Variants in GLI2 observed in about 807,000 individuals in gnomAD.
GLI2 encodes GLI family zinc finger 2.
A neutral mutation model predicts 78.9 loss-of-function variants in GLI2; 22 were observed. The ratio of observed to expected loss-of-function variants is 0.28; its 90% CI spans 0.20 to 0.40. The LOEUF is 0.40. Ranked by LOEUF, GLI2 falls within the 10% of genes least tolerant of loss-of-function variation. The pLI is 1.00. For synonymous variants in GLI2, 974 were observed against 963.7 expected (o/e 1.01, Z -0.20); for missense variants, 2,097 against 2,213.2 (o/e 0.95, Z 1.05).
At chr2:120,770,883 C>T (rs1039612828) in intron 1 of GLI2, among the ~76,000 whole-genome samples, 3 of 152,242 alleles carry the variant, frequency 2.0e-5, no homozygotes, top group African/African-American at 7.2e-5. Flanking sequence ...GCCTCCTCTG[C>T]ATGCCCACCA....
chr2:120,962,017 A>T (rs557446323), intron 5 of GLI2, among the ~76,000 whole-genome samples: 1 of 152,206 alleles, frequency 6.6e-6, no homozygotes, highest in African/African-American at 2.4e-5. Flanking sequence ...CTGGGCACAC[A>T]GGCCGTGGGG....
At chr2:120,909,339 G>C (rs1464106605) in intron 2 of GLI2, among the ~76,000 whole-genome samples, 1 of 151,868 alleles carries the variant, frequency 6.6e-6, no homozygotes, top group Admixed American at 6.6e-5. Flanking sequence ...CCCCTCCCCT[G>C]CTGCCCTTCC....
intron 1 of GLI2, among the ~76,000 whole-genome samples, chr2:120,767,897 A>G (rs1425826722): frequency 2.0e-5 from 3 of 152,180 alleles, no homozygotes; most frequent in Admixed American, 2.0e-4. Flanking sequence ...AGATAAATCT[A>G]GGAAGTGCAG....
At chr2:120,803,693 G>A (rs1258708662) in intron 2 of GLI2, among the ~76,000 whole-genome samples, 1 of 152,166 alleles carries the variant, frequency 6.6e-6, no homozygotes, top group African/African-American at 2.4e-5. Flanking sequence ...TCCCCAGCAC[G>A]CTGGAGACCA....
chr2:120,807,299 C>T (rs756339003), intron 2 of GLI2, among the ~76,000 whole-genome samples: 2 of 152,134 alleles, frequency 1.3e-5, no homozygotes, highest in Non-Finnish European at 2.9e-5. Flanking sequence ...ACCCCAGTGT[C>T]CTCATTTTAA....
rs754899023 is a variant in GLI2 at position 120,986,438 on chromosome 2, C to T, written c.2066C>T (p.Thr689Ile). 6 of 1,613,956 alleles carry T rather than the reference C, an allele frequency of 3.7e-6. No individual in the cohort carries two copies. Among genetic ancestry groups the T allele is most frequent in the Non-Finnish European group, 4.2e-6 (5 of 1,180,034 alleles). Residue 689 changes from threonine (T) to isoleucine (I), a missense_variant, in exon 13 of 14, where the codon ACC becomes ATC. Physicochemically the swap from Thr to Ile is moderately conservative, Grantham distance 89. This residue lies in a region of GLI2 where 1,290 missense variants were observed against 1,261.7 expected (regional missense o/e 1.02). Transcript: ENST00000361492. ...ALDDTPPGAD[T>I]SALAAPSAGG... The stretch of plus-strand genomic sequence containing the variant: ...GATGACACACCCCCAGGGGCCGACA[C>T]CTCAGCCCTGGCTGCCCCCTCCGCT...
intron 2 of GLI2, among the ~76,000 whole-genome samples, chr2:120,876,131 G>C (rs1263289818): frequency 6.6e-6 from 1 of 152,172 alleles, no homozygotes. Context: ...CACGAGGTCA[G>C]GAGATGGAGA....
intron 1 of GLI2, among the ~76,000 whole-genome samples, chr2:120,754,508 T>C (rs1431016758): frequency 6.6e-6 from 1 of 152,038 alleles, no homozygotes; most frequent in Non-Finnish European, 1.5e-5. Flanking sequence ...CTTATAAAAG[T>C]GGAACCATAC....
At chr2:120,934,950 T>TGTCA (rs1680122825) in intron 3 of GLI2, among the ~76,000 whole-genome samples, 1 of 152,200 alleles carries the variant, frequency 6.6e-6, no homozygotes, top group Non-Finnish European at 1.5e-5. Context: ...GACTCACCAG[T>TGTCA]GTCATCCCGG....
At chr2:120,976,297 C>G (rs542693022) in intron 9 of GLI2, among the ~76,000 whole-genome samples, 1 of 152,224 alleles carries the variant, frequency 6.6e-6, no homozygotes, top group Admixed American at 6.5e-5. Flanking sequence ...CGCCGACTCC[C>G]TCTGCTTCTT....
rs373075306 is a variant in GLI2 at position 120,800,773 on chromosome 2, C to T, written c.148+3305C>T. Among the ~76,000 whole-genome samples, 16 of 152,146 alleles carry T rather than the reference C, an allele frequency of 1.1e-4. No homozygotes were observed. The highest frequency in any genetic ancestry group is 9.7e-4 in the East Asian group (5 of 5,144). On this transcript the variant is annotated intron_variant, in intron 2 of 13. Transcript: ENST00000361492. This position sits in a 1 kb window ranked among gnomAD's most constrained non-coding sequence, Gnocchi z 4.1. ...CGCCCGCCTCAGCCTCCCAAAGTGC[C>T]GGGATTACAGGTGTGAGCCACCGCA...
intron 2 of GLI2, among the ~76,000 whole-genome samples, chr2:120,808,302 C>T (rs910461708): frequency 1.3e-5 from 2 of 152,138 alleles, no homozygotes; most frequent in African/African-American, 4.8e-5. Context: ...GAAGTCCCTG[C>T]CCCCGCCGAG....
At chr2:120,766,610 G>C (rs776860396) in intron 1 of GLI2, among the ~76,000 whole-genome samples, 2 of 152,320 alleles carry the variant, frequency 1.3e-5, no homozygotes, top group Non-Finnish European at 2.9e-5. Context: ...TGAGAGCAGC[G>C]GAGGAGCATT....
chr2:120,880,181 G>A (rs1377865621), intron 2 of GLI2, among the ~76,000 whole-genome samples: 2 of 152,180 alleles, frequency 1.3e-5, no homozygotes, highest in African/African-American at 4.8e-5. Flanking sequence ...ATGGAAAAGC[G>A]AAAGGTTTGT....
At chr2:120,919,886 A>G (rs968980725) in intron 2 of GLI2, among the ~76,000 whole-genome samples, 4 of 152,236 alleles carry the variant, frequency 2.6e-5, no homozygotes, top group African/African-American at 9.6e-5. Context: ...GGCCCCAGCC[A>G]TGCCACTGCC....
At chr2:120,891,214 C>T (rs1176616236) in intron 2 of GLI2, among the ~76,000 whole-genome samples, 4 of 151,974 alleles carry the variant, frequency 2.6e-5, no homozygotes, top group Non-Finnish European at 4.4e-5. Flanking sequence ...GTGCACTGGG[C>T]GGGGTGTCTG....
chr2:120,790,123 A>G (rs1173867778), intron 1 of GLI2, among the ~76,000 whole-genome samples: 4 of 152,160 alleles, frequency 2.6e-5, no homozygotes, highest in Non-Finnish European at 5.9e-5. Flanking sequence ...GGGATTTCGG[A>G]AGAGCGATTT....
At chr2:120,889,376 C>T (rs1333652059) in intron 2 of GLI2, among the ~76,000 whole-genome samples, 1 of 152,206 alleles carries the variant, frequency 6.6e-6, no homozygotes, top group Admixed American at 6.5e-5. Flanking sequence ...ACAGTCAGCT[C>T]CTCCATCGAG....
chr2:120,978,287 T>G, intron 9 of GLI2, 147 bp from the exon 10 acceptor site: 1 of 839,904 alleles, frequency 1.2e-6, no homozygotes. Flanking sequence ...GGTCTGAACA[T>G]AATAGGTGTG....
Sources: allele counts gnomAD v4.1 joint callset (sites outside exome capture counted in the v4.1 genomes callset), GRCh38; gene constraint gnomAD v4.1.1; regional missense constraint gnomAD v4.1.1; non-coding constraint Gnocchi (gnomAD v3.1); transcripts MANE v1.5; gene names NCBI Gene and HGNC (gene_info 2026-07-23, HGNC 2026-07-21).